GARNL3: variants seen among roughly 807,000 people sequenced by gnomAD.
GARNL3 encodes GTPase-activating Rap/Ran-GAP domain-like protein 3.
A neutral mutation model predicts 125.0 loss-of-function variants in GARNL3; 63 were observed. The ratio of observed to expected loss-of-function variants is 0.50; its 90% confidence interval spans 0.41 to 0.62. The LOEUF is 0.62. Ranked by LOEUF, GARNL3 falls within the 20% of genes least tolerant of loss-of-function variation. The pLI is 0.00. For synonymous variants in GARNL3, 439 were observed against 457.5 expected, an observed-to-expected ratio of 0.96 and a Z score of 0.52; for missense variants, 994 against 1,244.0, an observed-to-expected ratio of 0.80 and a Z score of 3.02.
chr9:127,368,744 A>G (rs1435662180), intron 22 of GARNL3, among the ~76,000 whole-genome samples: 4 of 147,700 alleles, frequency 2.7e-5, no homozygotes, highest in African/African-American at 4.9e-5. Flanking sequence ...AAACCAGCCT[A>G]GCCAACATGG....
chr9:127,295,747 T>C (rs1383955748), intron 2 of GARNL3, among the ~76,000 whole-genome samples: 1 of 152,000 alleles, frequency 6.6e-6, no homozygotes, highest in Admixed American at 6.5e-5. Flanking sequence ...TTACTATTAC[T>C]GATATATTAT....
chr9:127,300,754 C>G, intron 2 of GARNL3: 1 of 360,036 alleles, frequency 2.8e-6, no homozygotes, highest in South Asian at 2.2e-5. Flanking sequence ...CGCGCCTGGC[C>G]CTATTTGGGT....
At chr9:127,334,014 CAG>C (rs1197452872) in intron 9 of GARNL3, among the ~76,000 whole-genome samples, 1 of 152,026 alleles carries the variant, frequency 6.6e-6, no homozygotes, top group African/African-American at 2.4e-5. Context: ...AGAAGGGAGA[CAG>C]GGGAACTAAT....
chr9:127,284,522 C>T (rs2064190703), intron 1 of GARNL3, among the ~76,000 whole-genome samples: 1 of 151,932 alleles, frequency 6.6e-6, no homozygotes, highest in South Asian at 2.1e-4. Context: ...TTCCTTTCCC[C>T]TGCTTTCCTT....
Position 127,389,603 on chromosome 9 carries a change from G to A in GARNL3, c.2743+484G>A, listed in dbSNP as rs145029168. The stretch of plus-strand genomic sequence containing the variant: ...GGGCAGGTCTGTGGATAGAACAGAT[G>A]CAAGATATGTGTTGAGCTCATTTCT... On this transcript the variant is annotated intron_variant, in intron 26 of 27. Transcript: ENST00000373387. Among the ~76,000 whole-genome samples, 618 of 152,200 alleles carry A rather than the reference G, an allele frequency of 4.1e-3. 11 individuals are homozygous for A. The highest frequency in any genetic ancestry group is 0.021 in the East Asian group (107 of 5,180).
chr9:127,228,551 AT>A (rs2062951101), intron 1 of GARNL3, among the ~76,000 whole-genome samples: 1 of 152,104 alleles, frequency 6.6e-6, no homozygotes, highest in African/African-American at 2.4e-5. Flanking sequence ...TTTTCCTTGT[AT>A]TTATCCATAA....
chr9:127,247,792 CTT>C (rs1178617553), intron 2 of GARNL3, among the ~76,000 whole-genome samples: 1 of 152,144 alleles, frequency 6.6e-6, no homozygotes, highest in Non-Finnish European at 1.5e-5. Context: ...CAATTATACT[CTT>C]TTAGTTATTT....
chr9:127,294,426 C>T (rs1374711495), intron 2 of GARNL3, among the ~76,000 whole-genome samples: 1 of 152,136 alleles, frequency 6.6e-6, no homozygotes, highest in Non-Finnish European at 1.5e-5. Context: ...GCCTCAGCCT[C>T]CCAAGTAGCT....
intron 2 of GARNL3, among the ~76,000 whole-genome samples, chr9:127,250,940 A>G (rs2063390762): frequency 6.6e-6 from 1 of 151,874 alleles, no homozygotes; most frequent in Non-Finnish European, 1.5e-5. Context: ...AAAAGTAATC[A>G]TTTTTCCTCA....
intron 4 of GARNL3, among the ~76,000 whole-genome samples, chr9:127,314,662 T>C (rs1171500855): frequency 2.0e-5 from 3 of 152,064 alleles, no homozygotes; most frequent in South Asian, 4.1e-4. Flanking sequence ...CTCCAGGAAG[T>C]AGCAATCACA....
chr9:127,259,256 CT>C (rs1268360814), upstream of GARNL3, among the ~76,000 whole-genome samples: 4 of 152,230 alleles, frequency 2.6e-5, no homozygotes, highest in Non-Finnish European at 5.9e-5. Flanking sequence ...AGCTGGAAAT[CT>C]TTGCTCTCAT....
At chr9:127,279,187 C>G (rs1362926193) in intron 1 of GARNL3, among the ~76,000 whole-genome samples, 1 of 151,842 alleles carries the variant, frequency 6.6e-6, no homozygotes, top group African/African-American at 2.4e-5. Context: ...CTGGGTTTTT[C>G]TTACATTTTT....
chr9:127,323,295 T>G (rs1399946257), intron 6 of GARNL3, among the ~76,000 whole-genome samples: 1 of 152,234 alleles, frequency 6.6e-6, no homozygotes, highest in African/African-American at 2.4e-5. Context: ...TGAATTATGT[T>G]AAGTGGGACA....
At chr9:127,374,334 C>T (rs1180474495) in intron 22 of GARNL3, among the ~76,000 whole-genome samples, 3 of 151,612 alleles carry the variant, frequency 2.0e-5, no homozygotes, top group African/African-American at 7.3e-5. Flanking sequence ...AAAGGAAAGA[C>T]TCCTCTCACA....
chr9:127,378,582 C>T (rs1245211099), intron 22 of GARNL3, among the ~76,000 whole-genome samples: 2 of 65,742 alleles, frequency 3.0e-5, no homozygotes, highest in Non-Finnish European at 6.2e-5. Flanking sequence ...AGTGAAACTC[C>T]GTCACAAAAA....
At chr9:127,275,595 G>A (rs1375393819) in intron 1 of GARNL3, among the ~76,000 whole-genome samples, 2 of 152,188 alleles carry the variant, frequency 1.3e-5, no homozygotes, top group Non-Finnish European at 2.9e-5. Context: ...TTGTTAAGGA[G>A]GGGAACATCT....
At position 127,251,984 on chromosome 9, in the gene GARNL3, C is replaced by T. The variant is rs148583385; in HGVS notation, c.143+8735C>T. 5.3e-5 allele frequency among the ~76,000 whole-genome samples: 8 copies of T among 152,238 alleles called. No homozygotes were observed. In the East Asian group the frequency reaches 5.8e-4, roughly 11 times the overall value. The stretch of plus-strand genomic sequence containing the variant: ...ACCCTACTAAATAACCTTTAACTAC[C>T]GTTAGTTTCCCCCACATATACCTTC... On this transcript the variant is annotated intron_variant, in intron 2 of 10. Transcript: ENST00000439286.
Position 127,308,044 on chromosome 9 carries a change from C to G in GARNL3, c.220-3592C>G, listed in dbSNP as rs60678878. 5.4e-3 allele frequency among the ~76,000 whole-genome samples: 819 copies of G among 152,254 alleles called. 23 individuals carry two copies. The East Asian group carries it at 0.082, about 15-fold the overall frequency. On this transcript the variant is annotated intron_variant, in intron 2 of 27. Coordinates refer to ENST00000373387, the MANE Select transcript of GARNL3 (RefSeq NM_032293.5). Reference sequence around the variant, plus strand: ...AAGACCTGGAGACCAGGAGTACTGCCAGTAGTTCATGGTTATAAAGTAAAT... The same window carrying G: ...AAGACCTGGAGACCAGGAGTACTGCGAGTAGTTCATGGTTATAAAGTAAAT...
chr9:127,258,830 CAAT>C (rs1025178833), upstream of GARNL3, among the ~76,000 whole-genome samples: 45 of 152,286 alleles, frequency 3.0e-4, no homozygotes, highest in African/African-American at 1.1e-3. Flanking sequence ...CTCTGTCCCT[CAAT>C]AAGGAGAATC....
Sources: allele counts gnomAD v4.1 joint callset (sites outside exome capture counted in the v4.1 genomes callset), GRCh38; gene constraint gnomAD v4.1.1; transcripts MANE v1.5; gene names NCBI Gene and HGNC (gene_info 2026-07-23, HGNC 2026-07-21).